Variants in DDAH1 observed in about 807,000 individuals in gnomAD.
The protein encoded by DDAH1 is dimethylarginine dimethylaminohydrolase 1, also known as N(G),N(G)-dimethylarginine dimethylaminohydrolase 1.
In DDAH1, 19 loss-of-function variants were observed where a neutral mutation model predicts 28.8. That is an observed-to-expected ratio of 0.66 (90% CI 0.46 to 0.97). The LOEUF is 0.97. Ranked by LOEUF, DDAH1 falls within the 50% of genes least tolerant of loss-of-function variation. DDAH1 has a pLI of 0.00. For missense variants in DDAH1, 326 were observed against 375.9 expected (o/e 0.87, Z 1.10); for synonymous variants, 153 against 154.4 (o/e 0.99, Z 0.07).
In DDAH1 at chr1:85,358,857, A is replaced by G; in HGVS notation, c.304-10T>C. 1 of 1,564,740 alleles carries G rather than the reference A, an allele frequency of 6.4e-7. No individual in the cohort carries two copies. Among genetic ancestry groups the G allele is most frequent in the Non-Finnish European group, 8.7e-7 (1 of 1,147,102 alleles). ...CTTTCATCATGTCAACCTGTTGAAA[A>G]TAAAATGATTCAGATTACTATGCTA... On this transcript the variant is annotated splice_polypyrimidine_tract_variant and intron_variant, in intron 1 of 5. Transcript: ENST00000284031.
At chr1:85,411,348 A>G (rs1268810664) in intron 1 of DDAH1, among the ~76,000 whole-genome samples, 1 of 152,230 alleles carries the variant, frequency 6.6e-6, no homozygotes, top group Non-Finnish European at 1.5e-5. Flanking sequence ...GTTAAGGTCA[A>G]GTAGGTCAAA....
intron 1 of DDAH1, among the ~76,000 whole-genome samples, chr1:85,359,264 T>C (rs1649657404): frequency 6.6e-6 from 1 of 152,150 alleles, no homozygotes; most frequent in African/African-American, 2.4e-5. Flanking sequence ...AGGATATTGC[T>C]GGAGTCTGAC....
At chr1:85,324,294 AAT>A (rs1647229414) in intron 5 of DDAH1, among the ~76,000 whole-genome samples, 2 of 147,546 alleles carry the variant, frequency 1.4e-5, no homozygotes, top group African/African-American at 2.5e-5. Flanking sequence ...TAATAATAAT[AAT>A]AATAAATAAA....
At chr1:85,536,950 TA>T (rs1414712070) in intron 1 of DDAH1, among the ~76,000 whole-genome samples, 2 of 7,070 alleles carry the variant, frequency 2.8e-4, no homozygotes, top group Non-Finnish European at 5.1e-4. Flanking sequence ...AAATGTGGCA[TA>T]TATATATATA....
intron 1 of DDAH1, among the ~76,000 whole-genome samples, chr1:85,573,328 C>A (rs721471): frequency 0.21 from 32,230 of 152,138 alleles, 3,733 homozygotes; most frequent in South Asian, 0.48. Context: ...GGTTAAGAGA[C>A]AGGTATCTCC....
At chr1:85,348,294 G>T (rs935974610) in intron 4 of DDAH1, among the ~76,000 whole-genome samples, 5 of 152,118 alleles carry the variant, frequency 3.3e-5, no homozygotes, top group African/African-American at 1.2e-4. Flanking sequence ...AGGGCTTGGG[G>T]TTTTTTTCCT....
intron 1 of DDAH1, among the ~76,000 whole-genome samples, chr1:85,429,187 C>T (rs1653554179): frequency 6.6e-6 from 1 of 151,414 alleles, no homozygotes; most frequent in African/African-American, 2.4e-5. Flanking sequence ...CCCAGCAGGC[C>T]CCTGTGTGTG....
intron 1 of DDAH1, chr1:85,379,808 T>C (rs1479338616): frequency 5.9e-5 from 38 of 645,588 alleles, no homozygotes; most frequent in Non-Finnish European, 5.8e-5. Context: ...TAGGTCATCT[T>C]TGACTCCTTC....
chr1:85,578,058 A>C (rs1659661855), exon 1 of DDAH1: 1 of 979,590 alleles, frequency 1.0e-6, no homozygotes, highest in South Asian at 4.7e-5. Context: ...AGGCGGCGAG[A>C]AGGCGACGGG....
chr1:85,512,422 C>T (rs976159080), intron 1 of DDAH1, among the ~76,000 whole-genome samples: 4 of 152,192 alleles, frequency 2.6e-5, no homozygotes, highest in East Asian at 3.8e-4. Context: ...TGGAAGCATT[C>T]CCTTTGAAAA....
chr1:85,568,538 A>T (rs1659369706), intron 1 of DDAH1, among the ~76,000 whole-genome samples: 1 of 152,178 alleles, frequency 6.6e-6, no homozygotes, highest in South Asian at 2.1e-4. Context: ...TAATTCACAC[A>T]TTCACTAGCT....
intron 1 of DDAH1, chr1:85,435,173 A>T (rs565472556): frequency 3.9e-5 from 6 of 152,234 alleles, no homozygotes; most frequent in African/African-American, 1.4e-4. Context: ...TTATTGTATT[A>T]TTAAAGACTA....
intron 2 of DDAH1, among the ~76,000 whole-genome samples, chr1:85,487,093 T>C (rs996655221): frequency 2.6e-5 from 4 of 152,174 alleles, no homozygotes; most frequent in African/African-American, 9.7e-5. Context: ...AAAGTTACAT[T>C]TGTGTTCTTG....
intron 4 of DDAH1, among the ~76,000 whole-genome samples, chr1:85,348,570 TG>T (rs1649006774): frequency 6.6e-6 from 1 of 152,204 alleles, no homozygotes; most frequent in Non-Finnish European, 1.5e-5. Context: ...TCTTTGCTTA[TG>T]CCATGTCCCC....
chr1:85,552,471 A>G (rs569173058), intron 1 of DDAH1, among the ~76,000 whole-genome samples: 1 of 152,212 alleles, frequency 6.6e-6, no homozygotes, highest in East Asian at 1.9e-4. Context: ...TTTCTCCCCT[A>G]TTCTCAATGT....
intron 1 of DDAH1, among the ~76,000 whole-genome samples, chr1:85,521,310 C>T (rs1279618060): frequency 6.6e-6 from 1 of 151,608 alleles, no homozygotes; most frequent in Non-Finnish European, 1.5e-5. Context: ...GGTTCATCAC[C>T]GGGTCCCACT....
intron 1 of DDAH1, among the ~76,000 whole-genome samples, chr1:85,401,626 A>G (rs1170216050): frequency 6.6e-6 from 1 of 151,410 alleles, no homozygotes; most frequent in Non-Finnish European, 1.5e-5. Flanking sequence ...CAGCCTCCCA[A>G]GTAGCTGGGA....
chr1:85,517,046 A>C (rs1267624893), intron 1 of DDAH1, among the ~76,000 whole-genome samples: 6 of 151,844 alleles, frequency 4.0e-5, no homozygotes, highest in Non-Finnish European at 5.9e-5. Context: ...TTAAAACTTC[A>C]TATTCCTCAA....
chr1:85,458,339 C>T (rs1228204986), intron 1 of DDAH1, among the ~76,000 whole-genome samples: 1 of 151,582 alleles, frequency 6.6e-6, no homozygotes, highest in Non-Finnish European at 1.5e-5. Context: ...ACTGCTCCTT[C>T]AGCAGCATCA....
Sources: allele counts gnomAD v4.1 joint callset (sites outside exome capture counted in the v4.1 genomes callset), GRCh38; gene constraint gnomAD v4.1.1; transcripts MANE v1.5; gene names NCBI Gene and HGNC (gene_info 2026-07-23, HGNC 2026-07-21).